Variants in CHN2 observed in about 807,000 individuals in gnomAD.
CHN2 encodes beta-chimaerin.
In CHN2, 35 loss-of-function variants were observed where a neutral mutation model predicts 56.3. That is an observed-to-expected ratio of 0.62 (90% CI 0.47 to 0.82). CHN2 has a LOEUF of 0.82. Among genes scored for constraint, CHN2 ranks in the 40% least tolerant of loss-of-function variants. The pLI, the probability that CHN2 is intolerant of heterozygous loss-of-function variation, is 0.00. For synonymous variants in CHN2, 210 were observed against 212.8 expected, an observed-to-expected ratio of 0.99 and a Z score of 0.12; for missense variants, 491 against 580.5, an observed-to-expected ratio of 0.85 and a Z score of 1.58.
intron 2 of CHN2, among the ~76,000 whole-genome samples, chr7:29,157,644 C>T (rs376203405): frequency 1.0e-3 from 156 of 152,298 alleles, no homozygotes; most frequent in African/African-American, 3.4e-3. Flanking sequence ...TATTTCTCTC[C>T]GCTCCATAAT....
intron 1 of CHN2, among the ~76,000 whole-genome samples, chr7:29,290,021 G>T (rs75872686): frequency 0.019 from 2,847 of 152,334 alleles, 86 homozygotes; most frequent in African/African-American, 0.064. Context: ...TGCTTTTAAA[G>T]CAGTTTGTTT....
intron 1 of CHN2, among the ~76,000 whole-genome samples, chr7:29,315,347 G>T (rs1794885520): frequency 6.6e-6 from 1 of 152,188 alleles, no homozygotes; most frequent in South Asian, 2.1e-4. Flanking sequence ...AATTTCCCTT[G>T]TATGATCCCA....
intron 2 of CHN2, among the ~76,000 whole-genome samples, chr7:29,176,110 T>C (rs771455661): frequency 1.3e-5 from 2 of 151,416 alleles, no homozygotes; most frequent in African/African-American, 2.4e-5. Flanking sequence ...GGTGTGAACC[T>C]GGGAGGCGGA....
chr7:29,250,909 C>T (rs113653826), intron 1 of CHN2, among the ~76,000 whole-genome samples: 2,167 of 152,154 alleles, frequency 0.014, 52 homozygotes, highest in African/African-American at 0.05. Flanking sequence ...GAGCTTTCAC[C>T]GTGTTAGCCA....
chr7:29,424,809 C>T (rs536575536), intron 6 of CHN2, among the ~76,000 whole-genome samples: 25 of 152,292 alleles, frequency 1.6e-4, no homozygotes, highest in African/African-American at 5.8e-4. Flanking sequence ...AGGTGCTTTG[C>T]AGTTCAGCAC....
rs538927205 is a variant in CHN2, at chr7:29,157,238, A to G, written c.274+10278A>G. On this transcript the variant is annotated intron_variant, in intron 2 of 6. Coordinates refer to the CHN2 transcript ENST00000439384. Reference sequence around the variant, plus strand: ...ACACCTCTGAGTGGGGAGGAAAAAAAGAATGAGATGCGACCCCTCCCCCAC... The same window carrying G: ...ACACCTCTGAGTGGGGAGGAAAAAAGGAATGAGATGCGACCCCTCCCCCAC... Among the ~76,000 whole-genome samples, 10 of 152,318 alleles carry G rather than the reference A, an allele frequency of 6.6e-5. No homozygotes were observed. The South Asian group carries it at 2.1e-3, about 32-fold the overall frequency.
intron 6 of CHN2, among the ~76,000 whole-genome samples, chr7:29,413,922 C>T (rs1166277023): frequency 6.6e-6 from 1 of 152,138 alleles, no homozygotes; most frequent in Non-Finnish European, 1.5e-5. Flanking sequence ...CTGATTTGTT[C>T]TTATGAAGAA....
chr7:29,331,115 A>G (rs1796179887), intron 1 of CHN2, among the ~76,000 whole-genome samples: 1 of 152,218 alleles, frequency 6.6e-6, no homozygotes, highest in African/African-American at 2.4e-5. Context: ...TCACTACAAA[A>G]AATAAATTAT....
chr7:29,297,632 A>G (rs1333765047), intron 1 of CHN2, among the ~76,000 whole-genome samples: 1 of 152,162 alleles, frequency 6.6e-6, no homozygotes, highest in Non-Finnish European at 1.5e-5. Flanking sequence ...TAGTTTGCAC[A>G]GAGAGAGGGC....
intron 1 of CHN2, among the ~76,000 whole-genome samples, chr7:29,209,794 G>A (rs1007727523): frequency 6.6e-6 from 1 of 152,076 alleles, no homozygotes; most frequent in South Asian, 2.1e-4. Flanking sequence ...TCCTACAAAC[G>A]GTCAAGTCCA....
intron 2 of CHN2, among the ~76,000 whole-genome samples, chr7:29,354,923 T>A (rs10215935): frequency 0.22 from 34,009 of 151,502 alleles, 4,528 homozygotes; most frequent in Non-Finnish European, 0.3. Flanking sequence ...TCTCTGCCTT[T>A]CAGTTTGGGG....
chr7:29,459,896 G>A (rs778992885), intron 6 of CHN2, among the ~76,000 whole-genome samples: 1 of 152,208 alleles, frequency 6.6e-6, no homozygotes, highest in Non-Finnish European at 1.5e-5. Flanking sequence ...AGAGGAAAGA[G>A]GAGCAGGACG....
chr7:29,335,866 A>G (rs1796574442), intron 1 of CHN2: 1 of 152,266 alleles, frequency 6.6e-6, no homozygotes, highest in African/African-American at 2.4e-5. Context: ...GTGGTCACCC[A>G]GTGGGTTGAG....
chr7:29,424,297 CG>C (rs770713660), intron 6 of CHN2, among the ~76,000 whole-genome samples: 46 of 152,054 alleles, frequency 3.0e-4, no homozygotes, highest in Non-Finnish European at 5.9e-4. Context: ...TTCAAGATGC[CG>C]GGGACATAGT....
At chr7:29,488,515 C>T (rs1788293357) in intron 7 of CHN2, among the ~76,000 whole-genome samples, 1 of 152,014 alleles carries the variant, frequency 6.6e-6, no homozygotes, top group South Asian at 2.1e-4. Context: ...CTTCTGTGAA[C>T]ATAAAGTAGC....
intron 1 of CHN2, among the ~76,000 whole-genome samples, chr7:29,284,541 C>T (rs1182671770): frequency 6.6e-6 from 1 of 152,236 alleles, no homozygotes; most frequent in East Asian, 1.9e-4. Flanking sequence ...TGAGAATAGG[C>T]TTAAGGTTGC....
intron 3 of CHN2, among the ~76,000 whole-genome samples, chr7:29,371,208 G>A (rs1259026842): frequency 1.3e-5 from 2 of 152,132 alleles, no homozygotes; most frequent in African/African-American, 2.4e-5. Context: ...TGAATGTAAG[G>A]GTAAGAGGCA....
chr7:29,508,956 G>T (rs914218357), intron 11 of CHN2, among the ~76,000 whole-genome samples: 1 of 152,128 alleles, frequency 6.6e-6, no homozygotes, highest in African/African-American at 2.4e-5. Context: ...CTTGTGAGAG[G>T]GATATTTCTA....
At chr7:29,336,793 T>G (rs1796661065) in intron 1 of CHN2, among the ~76,000 whole-genome samples, 1 of 110,040 alleles carries the variant, frequency 9.1e-6, no homozygotes, top group Non-Finnish European at 1.8e-5. Context: ...AAAAAAAGCT[T>G]CACATGCAAA....
Sources: allele counts gnomAD v4.1 joint callset (sites outside exome capture counted in the v4.1 genomes callset), GRCh38; gene constraint gnomAD v4.1.1; transcripts MANE v1.5; gene names NCBI Gene and HGNC (gene_info 2026-07-23, HGNC 2026-07-21).